OTOGL: variants seen among roughly 807,000 people sequenced by gnomAD.
The protein encoded by OTOGL is otogelin-like protein.
In OTOGL, 285 loss-of-function variants were observed where a neutral mutation model predicts 318.5. The observed-to-expected ratio is 0.89, with a 90% CI of 0.81 to 0.99. The LOEUF (loss-of-function observed/expected upper bound fraction) is 0.99, where lower values mean the gene tolerates loss of function less well. Ranked by LOEUF, OTOGL falls within the 50% of genes least tolerant of loss-of-function variation. The pLI, the probability that OTOGL is intolerant of heterozygous loss-of-function variation, is 0.00. For synonymous variants in OTOGL, 987 were observed against 936.5 expected (o/e 1.05, Z -0.99); for missense variants, 2,899 against 2,845.6 (o/e 1.02, Z -0.43).
At chr12:80,221,657 C>A (rs930908585) in intron 6 of OTOGL, among the ~76,000 whole-genome samples, 19 of 145,778 alleles carry the variant, frequency 1.3e-4, no homozygotes, top group African/African-American at 4.6e-4. Flanking sequence ...AGTTATTTTT[C>A]TCTGTGGATA....
intron 55 of OTOGL, 110 bp from the exon 56 acceptor site, chr12:80,370,460 A>C (rs1890808522): frequency 2.2e-6 from 2 of 928,338 alleles, no homozygotes; most frequent in Admixed American, 6.9e-5. Flanking sequence ...TTTGTGTCAC[A>C]AGAAGCCTTT....
At position 80,365,764 on chromosome 12, in the gene OTOGL, A is replaced by G. The variant is rs138104706; in HGVS notation, c.6268-810A>G. ...AGCAAGACATTATTAGCTTATGAGG[A>G]AAAATGCCTTTTATGTGAATGTATT... On this transcript the variant is annotated intron_variant, in intron 52 of 58. Coordinates refer to ENST00000547103, the MANE Select transcript of OTOGL (RefSeq NM_001378609.3). 6.9e-4 allele frequency among the ~76,000 whole-genome samples: 105 copies of G among 152,300 alleles called. 2 individuals carry two copies. Among genetic ancestry groups the G allele is most frequent in the Admixed American group, 1.9e-3 (29 of 15,276 alleles).
intron 31 of OTOGL, 104 bp downstream of exon 31, chr12:80,313,736 G>T: frequency 1.0e-6 from 1 of 992,320 alleles, no homozygotes; most frequent in Admixed American, 2.9e-5. Flanking sequence ...CATGGGAATA[G>T]AATTAAATTA....
At position 80,260,511 on chromosome 12, in the gene OTOGL, C is replaced by T. The variant is rs1444309873; in HGVS notation, c.1890-1458C>T. Among the ~76,000 whole-genome samples, 3 of 152,144 alleles carry T rather than the reference C, an allele frequency of 2.0e-5. No individual in the cohort carries two copies. The East Asian group carries it at 5.8e-4, about 29-fold the overall frequency. On this transcript the variant is annotated intron_variant, in intron 18 of 58. Transcript: ENST00000547103. ...GTGATAAGAGTGCAAGATGATACTT[C>T]AGAGTCAGAGATAACTTGTGAACAG...
chr12:80,254,998 A>G, intron 15 of OTOGL, 42 bp from the exon 16 acceptor site: 1 of 1,371,824 alleles, frequency 7.3e-7, no homozygotes, highest in African/African-American at 1.6e-5. Flanking sequence ...CTCTATCTCC[A>G]CCTCCTTTTC....
intron 1 of OTOGL, among the ~76,000 whole-genome samples, chr12:80,158,507 A>C (rs1484390254): frequency 6.6e-6 from 1 of 152,016 alleles, no homozygotes; most frequent in African/African-American, 2.4e-5. Flanking sequence ...CAGAGATAGG[A>C]GGTAAAGGCA....
intron 11 of OTOGL, 74 bp from the exon 12 acceptor site, chr12:80,251,619 G>A (rs1402670146): frequency 1.7e-6 from 2 of 1,143,756 alleles, no homozygotes; most frequent in African/African-American, 3.1e-5. Context: ...GCATTTCTAG[G>A]GATCAGGACC....
intron 1 of OTOGL, among the ~76,000 whole-genome samples, chr12:80,141,371 A>C (rs1271553778): frequency 6.6e-6 from 1 of 152,154 alleles, no homozygotes; most frequent in African/African-American, 2.4e-5. Context: ...TTTTTCAACC[A>C]TCAAGATATA....
At chr12:80,260,198 T>A (rs546006254) in intron 18 of OTOGL, among the ~76,000 whole-genome samples, 2 of 152,216 alleles carry the variant, frequency 1.3e-5, no homozygotes, top group South Asian at 2.1e-4. Context: ...ATTTAAAATT[T>A]AAAAAATTTT....
intron 1 of OTOGL, among the ~76,000 whole-genome samples, chr12:80,102,503 T>C (rs1869199868): frequency 6.6e-6 from 1 of 152,190 alleles, no homozygotes; most frequent in African/African-American, 2.4e-5. Flanking sequence ...CAAGTCCCGT[T>C]GATTTTAGCT....
intron 1 of OTOGL, among the ~76,000 whole-genome samples, chr12:80,181,472 G>A (rs1874916715): frequency 6.6e-6 from 1 of 151,826 alleles, no homozygotes; most frequent in Admixed American, 6.6e-5. Context: ...CTTCCCCTAG[G>A]GAGTCTCCAA....
At chr12:80,264,964 A>T (rs1882830867) in intron 19 of OTOGL, 37 bp from the exon 20 acceptor site, 1 of 1,592,608 alleles carries the variant, frequency 6.3e-7, no homozygotes, top group Non-Finnish European at 8.6e-7. Context: ...GTAAGATCTG[A>T]ACTGTTAAAT....
chr12:80,239,506 C>A, intron 11 of OTOGL, 67 bp downstream of exon 11: 1 of 1,099,376 alleles, frequency 9.1e-7, no homozygotes, highest in South Asian at 1.6e-5. Flanking sequence ...ACAACTACTT[C>A]TGTTACTTAA....
chr12:80,250,797 T>G (rs1339598469), intron 11 of OTOGL, among the ~76,000 whole-genome samples: 1 of 152,220 alleles, frequency 6.6e-6, no homozygotes, highest in Non-Finnish European at 1.5e-5. Context: ...GATATTTAAC[T>G]ATTCAATTTT....
At chr12:80,259,603 A>G (rs1436797094) in intron 18 of OTOGL, among the ~76,000 whole-genome samples, 1 of 151,326 alleles carries the variant, frequency 6.6e-6, no homozygotes, top group Non-Finnish European at 1.5e-5. Flanking sequence ...TCATTGCTCA[A>G]CTCCCACTTA....
At chr12:80,131,330 C>T (rs1435736337) in intron 1 of OTOGL, among the ~76,000 whole-genome samples, 1 of 152,198 alleles carries the variant, frequency 6.6e-6, no homozygotes, top group Non-Finnish European at 1.5e-5. Context: ...AGAACAATAG[C>T]TCCAACCAAG....
intron 11 of OTOGL, among the ~76,000 whole-genome samples, chr12:80,240,998 T>C (rs1880325543): frequency 6.6e-6 from 1 of 152,020 alleles, no homozygotes; most frequent in African/African-American, 2.4e-5. Context: ...ATTTTATGAA[T>C]CCCAAGAAGT....
At chr12:80,328,268 A>G (rs1887829727) in intron 35 of OTOGL, among the ~76,000 whole-genome samples, 1 of 151,256 alleles carries the variant, frequency 6.6e-6, no homozygotes, top group Admixed American at 6.6e-5. Context: ...GCAGTGAACC[A>G]AGGTCGCGTC....
intron 49 of OTOGL, among the ~76,000 whole-genome samples, chr12:80,357,408 A>T (rs1889975664): frequency 6.6e-6 from 1 of 151,116 alleles, no homozygotes; most frequent in Non-Finnish European, 1.5e-5. Context: ...GAATTCTCTA[A>T]TTTTTTTTTT....
Sources: allele counts gnomAD v4.1 joint callset (sites outside exome capture counted in the v4.1 genomes callset), GRCh38; gene constraint gnomAD v4.1.1; transcripts MANE v1.5; gene names NCBI Gene and HGNC (gene_info 2026-07-23, HGNC 2026-07-21).